PSMA1: variants seen among roughly 807,000 people sequenced by gnomAD.
PSMA1 encodes proteasome 20S subunit alpha 1.
PSMA1 carries 3 observed loss-of-function variants against 38.4 expected under a neutral mutation model. The observed-to-expected ratio is 0.08, with a 90% CI of 0.04 to 0.20. The LOEUF (loss-of-function observed/expected upper bound fraction) is 0.20, where lower values mean the gene tolerates loss of function less well. Among genes scored for constraint, PSMA1 ranks in the 10% least tolerant of loss-of-function variants. PSMA1 has a pLI of 1.00. For synonymous variants in PSMA1, 101 were observed against 107.1 expected (o/e 0.94, Z 0.35); for missense variants, 227 against 325.3 (o/e 0.70, Z 2.32).
At chr11:14,547,646 T>C (rs528152882) in intron 2 of PSMA1, among the ~76,000 whole-genome samples, 1 of 152,210 alleles carries the variant, frequency 6.6e-6, no homozygotes, top group South Asian at 2.1e-4. Flanking sequence ...ACACACACTC[T>C]GAACAGGGAT....
exon 2 of PSMA1, chr11:14,611,032 G>C: frequency 6.3e-7 from 1 of 1,588,712 alleles, no homozygotes; most frequent in Middle Eastern, 1.7e-4. Context: ...ATACAACATA[G>C]GTCTGGATTT....
intron 2 of PSMA1, among the ~76,000 whole-genome samples, chr11:14,536,664 T>C (rs1164949585): frequency 6.6e-6 from 1 of 152,080 alleles, no homozygotes; most frequent in Non-Finnish European, 1.5e-5. Context: ...CAGGCTGGAG[T>C]GCAGTGGCAC....
intron 1 of PSMA1, among the ~76,000 whole-genome samples, chr11:14,641,917 T>C (rs1344270016): frequency 6.6e-6 from 1 of 152,238 alleles, no homozygotes; most frequent in Non-Finnish European, 1.5e-5. Context: ...TCTAAATTAA[T>C]TGCTTCATTT....
At chr11:14,566,139 C>T (rs1238041184) in intron 2 of PSMA1, among the ~76,000 whole-genome samples, 1 of 152,092 alleles carries the variant, frequency 6.6e-6, no homozygotes, top group East Asian at 1.9e-4. Context: ...AGGGCTTTGG[C>T]TTTTACTTTG....
chr11:14,547,126 T>C (rs1261826812), intron 2 of PSMA1, among the ~76,000 whole-genome samples: 2 of 152,206 alleles, frequency 1.3e-5, no homozygotes, highest in East Asian at 3.8e-4. Context: ...AATGTGTGGA[T>C]GTGTGGCAGA....
chr11:14,540,892 T>G (rs1330249857), intron 2 of PSMA1, among the ~76,000 whole-genome samples: 1 of 147,420 alleles, frequency 6.8e-6, no homozygotes, highest in African/African-American at 2.5e-5. Flanking sequence ...GTTATAAAGT[T>G]AACACTTGGA....
intron 2 of PSMA1, among the ~76,000 whole-genome samples, chr11:14,574,833 C>T (rs1174916740): frequency 6.6e-6 from 1 of 152,138 alleles, no homozygotes; most frequent in Non-Finnish European, 1.5e-5. Flanking sequence ...TGGGTATTAT[C>T]TTTGCAGCAA....
intron 2 of PSMA1, among the ~76,000 whole-genome samples, chr11:14,596,757 C>T (rs1386386533): frequency 6.6e-6 from 1 of 152,126 alleles, no homozygotes; most frequent in Non-Finnish European, 1.5e-5. Context: ...GACTGATTGC[C>T]CTGGCCAGAA....
intron 2 of PSMA1, among the ~76,000 whole-genome samples, chr11:14,594,686 C>T (rs935434928): frequency 6.6e-6 from 1 of 152,098 alleles, no homozygotes; most frequent in Non-Finnish European, 1.5e-5. Context: ...ACAATGTTAG[C>T]TTCTAGTTAT....
Position 14,593,268 on chromosome 11 carries a change from C to T in PSMA1, c.21+17698G>A, listed in dbSNP as rs574684925. On this transcript the variant is annotated intron_variant, in intron 2 of 10. Coordinates refer to the PSMA1 transcript ENST00000418988. ...CCAGGACTCATTCTGAGTTAGTTTA[C>T]GTAACTGAAGACTTCTGAGAGCCTT... Among the ~76,000 whole-genome samples, 6 of 152,280 alleles carry T rather than the reference C, an allele frequency of 3.9e-5. No homozygotes were observed. The South Asian group carries it at 6.2e-4, about 16-fold the overall frequency.
chr11:14,606,971 C>T (rs1164831896), intron 2 of PSMA1, among the ~76,000 whole-genome samples: 1 of 152,198 alleles, frequency 6.6e-6, no homozygotes, highest in Non-Finnish European at 1.5e-5. Flanking sequence ...TCTCCCTGTG[C>T]AGGAGCCTGC....
intron 1 of PSMA1, among the ~76,000 whole-genome samples, chr11:14,615,282 G>C (rs1388518238): frequency 1.3e-5 from 2 of 152,152 alleles, no homozygotes; most frequent in African/African-American, 2.4e-5. Flanking sequence ...GTTGTTCTTT[G>C]CTGGCCACTT....
chr11:14,615,328 G>A lies in PSMA1; in HGVS notation c.-165-4177C>T, dbSNP rs373447970. ...CTCCAGCATTCTCTACTTGCCCTGC[G>A]TCCTCAGAGGTTGACCTCTTTGGAT... is the stretch of plus-strand genomic sequence containing the variant. On this transcript the variant is annotated intron_variant, in intron 1 of 10. Coordinates refer to the PSMA1 transcript ENST00000418988. 1.6e-4 allele frequency among the ~76,000 whole-genome samples: 25 copies of A among 152,282 alleles called. No individual in the cohort carries two copies. In the East Asian group the frequency reaches 2.7e-3, roughly 16 times the overall value.
At chr11:14,518,025 T>C (rs375516898) in intron 2 of PSMA1, 44 bp from the exon 3 acceptor site, 311 of 1,376,240 alleles carry the variant, frequency 2.3e-4, no homozygotes, top group Non-Finnish European at 2.9e-4. Context: ...AGAAGATCTT[T>C]TATAAATTAA....
chr11:14,631,015 C>G (rs867880270), intron 1 of PSMA1, among the ~76,000 whole-genome samples: 2 of 152,142 alleles, frequency 1.3e-5, no homozygotes, highest in South Asian at 4.1e-4. Flanking sequence ...GGTGATATCC[C>G]CTTTATCATT....
intron 2 of PSMA1, among the ~76,000 whole-genome samples, chr11:14,540,865 T>G (rs1244994601): frequency 1.3e-5 from 2 of 152,072 alleles, no homozygotes; most frequent in African/African-American, 4.8e-5. Flanking sequence ...GAAAAAAAAG[T>G]TCCTGGTATG....
intron 2 of PSMA1, among the ~76,000 whole-genome samples, chr11:14,564,732 AG>A (rs1315238485): frequency 6.6e-6 from 1 of 151,714 alleles, no homozygotes; most frequent in Non-Finnish European, 1.5e-5. Context: ...CGTTCTTACA[AG>A]TAAGTGAATT....
intron 1 of PSMA1, among the ~76,000 whole-genome samples, chr11:14,611,322 A>G (rs79945717): frequency 3.2e-4 from 48 of 152,342 alleles, no homozygotes; most frequent in African/African-American, 1.1e-3. Context: ...GGAAATATCA[A>G]AAGTGAGGAA....
intron 1 of PSMA1, among the ~76,000 whole-genome samples, chr11:14,624,861 C>A (rs12362721): frequency 0.035 from 5,292 of 152,166 alleles, 146 homozygotes; most frequent in Non-Finnish European, 0.051. Flanking sequence ...GAGCTCAGAC[C>A]CATCAGGAAT....
Sources: gnomAD v4.1 joint callset for allele counts (sites outside exome capture counted in the v4.1 genomes callset) on GRCh38, gnomAD v4.1.1 for gene constraint, MANE v1.5 for transcripts, NCBI Gene and HGNC (gene_info 2026-07-23, HGNC 2026-07-21) for gene names.